The following CHD7 variants were observed in gnomAD, a reference collection of about 807,000 sequenced individuals.
The protein encoded by CHD7 is chromodomain helicase DNA binding protein 7.
A neutral mutation model predicts 307.3 loss-of-function variants in CHD7; 24 were observed. The observed-to-expected ratio is 0.08, with a 90% CI of 0.06 to 0.11. CHD7 has a LOEUF of 0.11. Ranked by LOEUF, CHD7 falls within the 10% of genes least tolerant of loss-of-function variation. The pLI is 1.00. For synonymous variants in CHD7, 1,363 were observed against 1,349.9 expected, an observed-to-expected ratio of 1.01 and a Z score of -0.21; for missense variants, 3,106 against 3,727.1, an observed-to-expected ratio of 0.83 and a Z score of 4.34.
chr8:60,822,405 T>C, intron 11 of CHD7, 98 bp from the exon 12 acceptor site: 1 of 1,131,972 alleles, frequency 8.8e-7, no homozygotes, highest in South Asian at 1.8e-5. Flanking sequence ...AGCCTTTGGG[T>C]ATGCATTTGT....
chr8:60,862,524 C>G, intron 36 of CHD7, 24 bp from the exon 37 acceptor site: 1 of 1,547,434 alleles, frequency 6.5e-7, no homozygotes, highest in Non-Finnish European at 8.8e-7. Flanking sequence ...TGTTTTTAAT[C>G]ATTTGTCAAA....
At chr8:60,687,104 C>G (rs1360036817) in intron 1 of CHD7, among the ~76,000 whole-genome samples, 1 of 152,184 alleles carries the variant, frequency 6.6e-6, no homozygotes, top group East Asian at 1.9e-4. Context: ...AGAAATCTGT[C>G]TGTTGATATT....
intron 1 of CHD7, among the ~76,000 whole-genome samples, chr8:60,711,360 A>G (rs938657015): frequency 6.6e-6 from 1 of 152,192 alleles, no homozygotes; most frequent in Non-Finnish European, 1.5e-5. Context: ...GTTTCAAACC[A>G]AACTGTAGCA....
chr8:60,691,590 A>T (rs986629018), intron 1 of CHD7, among the ~76,000 whole-genome samples: 1 of 152,152 alleles, frequency 6.6e-6, no homozygotes, highest in South Asian at 2.1e-4. Context: ...CTTGAGTTGC[A>T]TGGGGAGGAG....
intron 4 of CHD7, among the ~76,000 whole-genome samples, chr8:60,796,859 A>G (rs1041039045): frequency 1.3e-5 from 2 of 152,228 alleles, no homozygotes; most frequent in Admixed American, 6.5e-5. Flanking sequence ...AGGGCTTAGC[A>G]TTAAAATTCT....
At chr8:60,695,534 T>C (rs192102387) in intron 1 of CHD7, among the ~76,000 whole-genome samples, 4 of 152,208 alleles carry the variant, frequency 2.6e-5, no homozygotes, top group African/African-American at 4.8e-5. Context: ...CTTTTGGAGG[T>C]GTGTGTTGTA....
intron 28 of CHD7, 94 bp downstream of exon 28, chr8:60,851,413 G>A (rs1247106851): frequency 3.4e-6 from 3 of 877,098 alleles, no homozygotes; most frequent in Admixed American, 4.1e-5. Flanking sequence ...TGACAGCAGT[G>A]TCTTAACACC....
intron 12 of CHD7, among the ~76,000 whole-genome samples, chr8:60,823,420 TAGATAGATAGATAG>T: frequency 6.6e-6 from 1 of 152,186 alleles, no homozygotes; most frequent in Non-Finnish European, 1.5e-5. Flanking sequence ...GATAGATAGA[TAGATAGATAGATAG>T]ATAGATGTGT....
rs986653144 is a variant in CHD7, at chr8:60,862,726, G to C, written c.8076+74G>C. ...TTTTCCTTAGTCTTTCTTATTTTCTGTTGGCCATTAATTATTCAGTTGTAA... is the reference window on the plus strand; with the variant it reads ...TTTTCCTTAGTCTTTCTTATTTTCTCTTGGCCATTAATTATTCAGTTGTAA... On this transcript the variant is annotated intron_variant, in intron 37 of 37. Coordinates refer to ENST00000423902, the MANE Select transcript of CHD7 (RefSeq NM_017780.4). 4 of 1,005,922 alleles carry C rather than the reference G, an allele frequency of 4.0e-6. No individual in the cohort carries two copies. In the African/African-American group the frequency reaches 6.4e-5, roughly 16 times the overall value. 62.3% of individuals were successfully genotyped at this position (1,005,922 alleles called of 1,614,324 possible).
chr8:60,780,222 G>A lies in CHD7; in HGVS notation c.1666-778G>A, dbSNP rs1811142221. Among the ~76,000 whole-genome samples, 6 of 152,156 alleles carry A rather than the reference G, an allele frequency of 3.9e-5. No homozygotes were observed. In the South Asian group the frequency reaches 1.2e-3, roughly 32 times the overall value. The stretch of plus-strand genomic sequence containing the variant: ...GACCACTCAGAATCCCATTCTAAAT[G>A]TGGTTATTTTTCTACTCTATTTAAG... On this transcript the variant is annotated intron_variant, in intron 2 of 37. Transcript: ENST00000423902.
At chr8:60,698,574 T>C (rs146030663) in intron 1 of CHD7, among the ~76,000 whole-genome samples, 44 of 152,294 alleles carry the variant, frequency 2.9e-4, no homozygotes, top group African/African-American at 9.6e-4. Context: ...AGATAACCTG[T>C]TCCTGTTTTC....
At chr8:60,794,958 A>G (rs1811946254) in intron 3 of CHD7, 28 bp from the exon 4 acceptor site, 1 of 1,603,698 alleles carries the variant, frequency 6.2e-7, no homozygotes, top group South Asian at 1.1e-5. Context: ...TTAAAAGTGA[A>G]CACTAAGCGA....
At chr8:60,828,553 C>T (rs765484678) in intron 13 of CHD7, 110 bp from the exon 14 acceptor site, 4 of 967,516 alleles carry the variant, frequency 4.1e-6, no homozygotes, top group African/African-American at 3.3e-5. Flanking sequence ...CTATACTTTG[C>T]ATAGGGTAGA....
intron 1 of CHD7, among the ~76,000 whole-genome samples, chr8:60,697,883 A>G (rs548722652): frequency 1.3e-5 from 2 of 152,374 alleles, no homozygotes; most frequent in African/African-American, 4.8e-5. Flanking sequence ...CAGCACGTAG[A>G]GTACAGCATA....
intron 2 of CHD7, among the ~76,000 whole-genome samples, chr8:60,759,450 T>C (rs2150614818): frequency 6.7e-6 from 1 of 148,666 alleles, no homozygotes; most frequent in Admixed American, 6.7e-5. Context: ...TCTGTCTCCC[T>C]CTCTCTCTCC....
chr8:60,838,370 T>G, intron 19 of CHD7, 115 bp downstream of exon 19: 1 of 930,176 alleles, frequency 1.1e-6, no homozygotes, highest in Non-Finnish European at 1.6e-6. Flanking sequence ...AATTAATCAT[T>G]AACTCCCTGT....
intron 15 of CHD7, among the ~76,000 whole-genome samples, chr8:60,832,486 G>A (rs938178115): frequency 2.6e-5 from 4 of 152,238 alleles, no homozygotes; most frequent in Non-Finnish European, 5.9e-5. Context: ...TGGCGAGACA[G>A]AGCTTAGGGC....
At chr8:60,806,379 G>A (rs1333406314) in intron 6 of CHD7, among the ~76,000 whole-genome samples, 1 of 152,040 alleles carries the variant, frequency 6.6e-6, no homozygotes, top group Non-Finnish European at 1.5e-5. Flanking sequence ...AAAGGGAGTA[G>A]AATGGGGAAA....
intron 1 of CHD7, among the ~76,000 whole-genome samples, chr8:60,730,947 G>A (rs1386949238): frequency 1.3e-5 from 2 of 152,132 alleles, no homozygotes; most frequent in African/African-American, 4.8e-5. Flanking sequence ...GCATGATGAA[G>A]TATTGCATTG....
Sources: gnomAD v4.1 joint callset for allele counts (sites outside exome capture counted in the v4.1 genomes callset) on GRCh38, gnomAD v4.1.1 for gene constraint, MANE v1.5 for transcripts, NCBI Gene and HGNC (gene_info 2026-07-23, HGNC 2026-07-21) for gene names.